Variants in ADCY2 observed in about 807,000 individuals in gnomAD.
The protein encoded by ADCY2 is adenylate cyclase 2.
Under a neutral mutation model 125.2 loss-of-function variants are expected in ADCY2, and 31 were observed. That is an observed-to-expected ratio of 0.25 (90% confidence interval 0.19 to 0.33). The LOEUF is 0.33. ADCY2 is among the 10% of genes least tolerant of loss of function. The pLI is 1.00. For missense variants in ADCY2, 904 were observed against 1,418.2 expected, an observed-to-expected ratio of 0.64 and a Z score of 5.82; for synonymous variants, 512 against 548.4, an observed-to-expected ratio of 0.93 and a Z score of 0.93.
chr5:7,693,586 G>GT (rs1343603655), intron 5 of ADCY2, among the ~76,000 whole-genome samples: 2 of 151,816 alleles, frequency 1.3e-5, no homozygotes, highest in Non-Finnish European at 2.9e-5. Flanking sequence ...GCCCAGTTAA[G>GT]TTTTTTTGTA....
intron 3 of ADCY2, among the ~76,000 whole-genome samples, chr5:7,525,866 T>G (rs1281779491): frequency 6.6e-6 from 1 of 152,202 alleles, no homozygotes. Context: ...GCCTCCTGTT[T>G]CTACTGCCAT....
intron 4 of ADCY2, among the ~76,000 whole-genome samples, chr5:7,668,828 G>A (rs1739840584): frequency 6.6e-6 from 1 of 152,148 alleles, no homozygotes; most frequent in Non-Finnish European, 1.5e-5. Flanking sequence ...AAGATGTGAA[G>A]TGTGATGAGG....
At chr5:7,771,254 ATTG>A (rs1579416098) in intron 17 of ADCY2, among the ~76,000 whole-genome samples, 2 of 152,042 alleles carry the variant, frequency 1.3e-5, no homozygotes, top group African/African-American at 4.8e-5. Flanking sequence ...TGTTGATTCT[ATTG>A]TTTTACTACA....
At chr5:7,770,167 A>C (rs756375387) in intron 17 of ADCY2, among the ~76,000 whole-genome samples, 1 of 152,270 alleles carries the variant, frequency 6.6e-6, no homozygotes, top group African/African-American at 2.4e-5. Context: ...ATTACCATAC[A>C]TATTTTAGTA....
At chr5:7,508,430 A>G (rs1375476571) in intron 2 of ADCY2, among the ~76,000 whole-genome samples, 1 of 152,182 alleles carries the variant, frequency 6.6e-6, no homozygotes, top group Non-Finnish European at 1.5e-5. Context: ...AGCAGGAAGG[A>G]TGAACTCCAG....
chr5:7,817,003 C>T (rs768590217), intron 23 of ADCY2, 23 bp downstream of exon 23: 71 of 1,580,116 alleles, frequency 4.5e-5, no homozygotes, highest in Non-Finnish European at 5.0e-5. Context: ...AAAGAGGTCT[C>T]GGTTTCAGTT....
At chr5:7,813,739 T>C (rs796081584) in intron 22 of ADCY2, among the ~76,000 whole-genome samples, 20 of 152,342 alleles carry the variant, frequency 1.3e-4, no homozygotes, top group African/African-American at 4.8e-4. Flanking sequence ...TCTCTTCTTT[T>C]ATTACTGACG....
chr5:7,822,056 A>T (rs1359779867), intron 24 of ADCY2, among the ~76,000 whole-genome samples: 1 of 152,146 alleles, frequency 6.6e-6, no homozygotes, highest in Non-Finnish European at 1.5e-5. Flanking sequence ...TGGAAACAGG[A>T]AGCTACAGTT....
chr5:7,648,198 T>G (rs1032001063), intron 4 of ADCY2, among the ~76,000 whole-genome samples: 1 of 152,208 alleles, frequency 6.6e-6, no homozygotes, highest in African/African-American at 2.4e-5. Flanking sequence ...ACTGTAATTT[T>G]CAGGTATTTT....
At chr5:7,705,860 C>G (rs2126349983) in intron 7 of ADCY2, among the ~76,000 whole-genome samples, 1 of 152,302 alleles carries the variant, frequency 6.6e-6, no homozygotes, top group South Asian at 2.1e-4. Context: ...TTTTAGCATG[C>G]TAAAATGGTA....
intron 3 of ADCY2, among the ~76,000 whole-genome samples, chr5:7,547,849 C>T (rs1183919724): frequency 6.6e-6 from 1 of 152,176 alleles, no homozygotes; most frequent in African/African-American, 2.4e-5. Flanking sequence ...GCAAGTCGTC[C>T]GTCCTGGAGG....
At chr5:7,521,656 A>G (rs1173675309) in intron 3 of ADCY2, among the ~76,000 whole-genome samples, 1 of 152,208 alleles carries the variant, frequency 6.6e-6, no homozygotes. Flanking sequence ...GTGCCATTCT[A>G]AAGGAACTTT....
At chr5:7,664,263 A>ATT (rs200120756) in intron 4 of ADCY2, among the ~76,000 whole-genome samples, 1 of 151,852 alleles carries the variant, frequency 6.6e-6, no homozygotes, top group Non-Finnish European at 1.5e-5. Flanking sequence ...AAAACATGTG[A>ATT]TTTTTTTTTC....
At chr5:7,470,276 T>A (rs1377865235) in intron 2 of ADCY2, among the ~76,000 whole-genome samples, 2 of 151,726 alleles carry the variant, frequency 1.3e-5, no homozygotes, top group Admixed American at 1.3e-4. Flanking sequence ...ACCAGGATAG[T>A]GGTTGTTGAT....
intron 2 of ADCY2, among the ~76,000 whole-genome samples, chr5:7,519,146 C>A (rs1415797033): frequency 1.3e-5 from 2 of 152,198 alleles, no homozygotes. Flanking sequence ...ATAAATACAG[C>A]TGATCAGACA....
At position 7,802,694 on chromosome 5, in the gene ADCY2, A is replaced by T. The variant is rs1744635029; in HGVS notation, c.2775+330A>T. Among the ~76,000 whole-genome samples, 1 of 152,220 alleles carries T rather than the reference A, an allele frequency of 6.6e-6. No individual in the cohort carries two copies. Among genetic ancestry groups the T allele is most frequent in the Non-Finnish European group, 1.5e-5 (1 of 68,044 alleles). On this transcript the variant is annotated intron_variant, in intron 21 of 24. Coordinates refer to ENST00000338316, the MANE Select transcript of ADCY2 (RefSeq NM_020546.3). This position sits in a 1 kb window ranked among gnomAD's most constrained non-coding sequence, Gnocchi z 4.6. ...CCATCCCTTTCTAGATAAAAAGATA[A>T]TGAATTATAATAGACTATTGGTGTG...
intron 4 of ADCY2, among the ~76,000 whole-genome samples, chr5:7,643,198 A>G (rs1738772070): frequency 6.6e-6 from 1 of 151,926 alleles, no homozygotes; most frequent in Non-Finnish European, 1.5e-5. Flanking sequence ...TTTTCTCTGC[A>G]GTTTCTAAAT....
At chr5:7,622,041 T>A (rs368903531) in intron 3 of ADCY2, among the ~76,000 whole-genome samples, 3 of 152,198 alleles carry the variant, frequency 2.0e-5, no homozygotes, top group African/African-American at 7.2e-5. Flanking sequence ...TTCTGACAGA[T>A]GTGAAAGTAG....
intron 4 of ADCY2, among the ~76,000 whole-genome samples, chr5:7,686,981 A>G (rs1740540502): frequency 1.3e-5 from 2 of 152,178 alleles, no homozygotes; most frequent in Non-Finnish European, 2.9e-5. Context: ...AGCTGTCACC[A>G]GGTGCAGTGC....
Sources: allele counts gnomAD v4.1 joint callset (sites outside exome capture counted in the v4.1 genomes callset), GRCh38; gene constraint gnomAD v4.1.1; non-coding constraint Gnocchi (gnomAD v3.1); transcripts MANE v1.5; gene names NCBI Gene and HGNC (gene_info 2026-07-23, HGNC 2026-07-21).